RUFY1: variants seen among roughly 807,000 people sequenced by gnomAD.
RUFY1 encodes RUN and FYVE domain containing 1.
RUFY1 carries 54 observed loss-of-function variants against 94.6 expected under a neutral mutation model. That is an observed-to-expected ratio of 0.57 (90% confidence interval 0.46 to 0.72). The LOEUF is 0.72. Among genes scored for constraint, RUFY1 ranks in the 30% least tolerant of loss-of-function variants. RUFY1 has a pLI of 0.00. For missense variants in RUFY1, 883 were observed against 883.9 expected (o/e 1.00, Z 0.01); for synonymous variants, 396 against 347.3 (o/e 1.14, Z -1.56).
At chr5:179,562,712 C>T (rs778138165) in intron 3 of RUFY1, 48 bp downstream of exon 3, 2 of 963,420 alleles carry the variant, frequency 2.1e-6, no homozygotes, top group Admixed American at 1.8e-5. Flanking sequence ...AAAACTCCCT[C>T]ATATTTACTC....
At chr5:179,567,723 C>T (rs1014793024) in intron 4 of RUFY1, among the ~76,000 whole-genome samples, 161 bp downstream of exon 4, 2 of 151,322 alleles carry the variant, frequency 1.3e-5, no homozygotes, top group African/African-American at 2.4e-5. Context: ...AACATGGTGT[C>T]GTATTTTTAG....
chr5:179,560,370 T>C (rs1428959822), intron 2 of RUFY1, among the ~76,000 whole-genome samples, 172 bp downstream of exon 2: 1 of 152,100 alleles, frequency 6.6e-6, no homozygotes, highest in African/African-American at 2.4e-5. Context: ...CCAATAGAAA[T>C]AGCATGCAAG....
chr5:179,588,164 A>G (rs1764760524), intron 8 of RUFY1, among the ~76,000 whole-genome samples: 2 of 152,214 alleles, frequency 1.3e-5, no homozygotes, highest in African/African-American at 4.8e-5. Flanking sequence ...TTTTGGGCAC[A>G]GCAGTTAATG....
chr5:179,550,587 C>A lies in RUFY1; in HGVS notation c.18C>A (p.Gly6=), dbSNP rs780069731. 9.8e-6 allele frequency: 13 copies of A among 1,319,848 alleles called. No homozygotes were observed. In the African/African-American group the frequency reaches 2.3e-4, roughly 24 times the overall value. 81.8% of individuals were successfully genotyped at this position (1,319,848 alleles called of 1,614,324 possible). The change falls in exon 1 of 18, where the codon GGC becomes GGA. Residue 6 remains glycine, a synonymous_variant. Coordinates refer to ENST00000319449, the MANE Select transcript of RUFY1 (RefSeq NM_025158.5). MADRE[G]GCAAGRGREL... ...CGGCCAAGATGGCCGACCGGGAAGG[C>A]GGCTGCGCTGCTGGGCGGGGGCGGG...
intron 7 of RUFY1, among the ~76,000 whole-genome samples, chr5:179,581,522 GGAGAGACA>G (rs1764160095): frequency 6.7e-6 from 1 of 149,940 alleles, no homozygotes; most frequent in African/African-American, 2.5e-5. Context: ...TGGGGAATGT[GGAGAGACA>G]TGTTATTCCC....
intron 4 of RUFY1, 131 bp from the exon 5 acceptor site, chr5:179,569,171 A>G: frequency 6.5e-7 from 1 of 1,547,466 alleles, no homozygotes. Context: ...GAGAAATGAA[A>G]GGGAGGGAGG....
Position 179,550,663 on chromosome 5 carries a change from C to A in RUFY1, c.94C>A (p.Pro32Thr). 1 of 1,480,978 alleles carries A rather than the reference C, an allele frequency of 6.8e-7. No homozygotes were observed. The highest frequency in any genetic ancestry group is 1.9e-4 in the Middle Eastern group (1 of 5,300). 91.7% of individuals were successfully genotyped at this position (1,480,978 alleles called of 1,614,324 possible). A position where few individuals can be genotyped will look rare whatever the true frequency, so the allele number is the denominator to read the frequency against. ...GCCGGGGCCCGGGTCAGCGCTTGAG[C>A]CGGGAGAAGAGTTTGAGATCGTGGA... ...PGPGPGSALEPGEEFEIVDRS... is the reference protein window; with the variant it reads ...PGPGPGSALETGEEFEIVDRS... The change falls in exon 1 of 18, where the codon CCG becomes ACG. Residue 32 changes from proline to threonine, a missense_variant. Pro to Thr is a conservative substitution (Grantham distance 38). Transcript: ENST00000319449.
At position 179,594,921 on chromosome 5, in the gene RUFY1, A is replaced by G. The variant is rs149667846; in HGVS notation, c.1469A>G (p.Lys490Arg). ...KNEAITSFEGKTNQVMSSMKQ... is the reference protein window; with the variant it reads ...KNEAITSFEGRTNQVMSSMKQ... The stretch of plus-strand genomic sequence containing the variant: ...GAAGCCATCACATCCTTTGAAGGAA[A>G]AACCAACCAAGTTATGTCCAGCATG... The change falls in exon 12 of 18, where the codon AAA (lysine) becomes AGA (arginine). Residue 490 changes from lysine to arginine, a missense_variant. Coordinates refer to ENST00000319449, the MANE Select transcript of RUFY1 (RefSeq NM_025158.5). 1.4e-5 allele frequency: 22 copies of G among 1,613,476 alleles called. No individual in the cohort carries two copies. Among genetic ancestry groups the G allele is most frequent in the Middle Eastern group, 1.6e-4 (1 of 6,084 alleles).
chr5:179,584,350 C>T (rs1192965649), intron 7 of RUFY1, among the ~76,000 whole-genome samples: 2 of 152,174 alleles, frequency 1.3e-5, no homozygotes, highest in Non-Finnish European at 2.9e-5. Flanking sequence ...GTTCAGATGC[C>T]AGCACCCCTT....
intron 4 of RUFY1, 192 bp from the exon 5 acceptor site, chr5:179,569,110 C>T: frequency 1.0e-6 from 1 of 970,278 alleles, no homozygotes; most frequent in Non-Finnish European, 1.2e-6. Flanking sequence ...CATTCTAAGC[C>T]ACAGGAAGAG....
intron 1 of RUFY1, among the ~76,000 whole-genome samples, chr5:179,556,850 C>T (rs375731864): frequency 1.2e-4 from 18 of 152,248 alleles, no homozygotes; most frequent in African/African-American, 4.3e-4. Flanking sequence ...TTGTCATTAG[C>T]ATATATCTGT....
Position 179,580,909 on chromosome 5 carries a change from T to TA in RUFY1, c.891-30dup, listed in dbSNP as rs761601426. The TA allele has an allele frequency of 2.4e-4, 290 of 1,183,870 alleles. 1 individual carries two copies. The highest frequency in any genetic ancestry group is 3.3e-4 in the Non-Finnish European group (265 of 802,632). The allele number at this position is 1,183,870 out of a possible 1,614,324, so 73.3% of individuals were successfully genotyped here. A position where few individuals can be genotyped will look rare whatever the true frequency, so the allele number is the denominator to read the frequency against. On this transcript the variant is annotated intron_variant, in intron 6 of 17. Coordinates refer to ENST00000319449, the MANE Select transcript of RUFY1 (RefSeq NM_025158.5). ...ACAGTTACAAAGTATTAACCATTAA[T>TA]AAAAAAAAGTTCTTCCTTCTTATGC...
intron 15 of RUFY1, among the ~76,000 whole-genome samples, chr5:179,605,456 T>C (rs1227945239): frequency 2.0e-5 from 3 of 152,038 alleles, no homozygotes; most frequent in Non-Finnish European, 2.9e-5. Flanking sequence ...ATCTGAGCCT[T>C]CCCCCTTCCA....
At position 179,550,667 on chromosome 5, in the gene RUFY1, G is replaced by A. The variant is rs1761778981; in HGVS notation, c.98G>A (p.Gly33Glu). 2 of 1,493,098 alleles carry A rather than the reference G, an allele frequency of 1.3e-6. No homozygotes were observed. The highest frequency in any genetic ancestry group is 1.8e-6 in the Non-Finnish European group (2 of 1,127,192). The allele number at this position is 1,493,098 out of a possible 1,614,324, so 92.5% of individuals were successfully genotyped here. A position where few individuals can be genotyped will look rare whatever the true frequency, so the allele number is the denominator to read the frequency against. Reference sequence around the variant, plus strand: ...GGGCCCGGGTCAGCGCTTGAGCCGGGAGAAGAGTTTGAGATCGTGGACCGA... The same window carrying A: ...GGGCCCGGGTCAGCGCTTGAGCCGGAAGAAGAGTTTGAGATCGTGGACCGA... ...GPGPGSALEP[G>E]EEFEIVDRSQ... Residue 33 changes from glycine (G) to glutamate (E), a missense_variant, in exon 1 of 18, where the codon GGA (glycine) becomes GAA (glutamate). Gly to Glu is a moderately conservative substitution (Grantham distance 98). Transcript: ENST00000319449.
chr5:179,604,714 G>C (rs1458413119), intron 15 of RUFY1, among the ~76,000 whole-genome samples: 1 of 152,196 alleles, frequency 6.6e-6, no homozygotes, highest in Admixed American at 6.5e-5. Context: ...GGGCGTGGGG[G>C]CTCAGGCCTC....
At chr5:179,577,786 G>C (rs1763764093) in intron 6 of RUFY1, among the ~76,000 whole-genome samples, 1 of 150,482 alleles carries the variant, frequency 6.6e-6, no homozygotes, top group Admixed American at 6.6e-5. Context: ...CGGTGGGAGC[G>C]CCGGAGTTGG....
At chr5:179,572,504 G>C in intron 5 of RUFY1, 1 of 204,704 alleles carries the variant, frequency 4.9e-6, no homozygotes. Flanking sequence ...ACTGTGTGCT[G>C]AAAACCAATG....
At chr5:179,606,358 C>T (rs1162776259) in intron 16 of RUFY1, 1 of 185,480 alleles carries the variant, frequency 5.4e-6, no homozygotes, top group East Asian at 1.7e-4. Flanking sequence ...GGCCAGGTTT[C>T]CGCACCCTGG....
intron 4 of RUFY1, chr5:179,569,083 A>G (rs2127524052): frequency 2.0e-6 from 2 of 984,882 alleles, no homozygotes; most frequent in South Asian, 9.4e-5. Flanking sequence ...AACTTTAGAC[A>G]GGAGGAGAGG....
Sources: allele counts gnomAD v4.1 joint callset (sites outside exome capture counted in the v4.1 genomes callset), GRCh38; gene constraint gnomAD v4.1.1; transcripts MANE v1.5; gene names NCBI Gene and HGNC (gene_info 2026-07-23, HGNC 2026-07-21).